The following MYO5C variants were observed in gnomAD, a reference collection of about 807,000 sequenced individuals.
MYO5C encodes the protein myosin VC, also known as unconventional myosin-Vc.
MYO5C carries 194 observed loss-of-function variants against 235.7 expected under a neutral mutation model. That is an observed-to-expected ratio of 0.82 (90% CI 0.73 to 0.93). The LOEUF (loss-of-function observed/expected upper bound fraction) is 0.93, where lower values mean the gene tolerates loss of function less well. Ranked by LOEUF, MYO5C falls within the 40% of genes least tolerant of loss-of-function variation. The probability of loss-of-function intolerance (pLI) is 0.00; values close to 1 mark genes in which losing one functional copy is unlikely to be tolerated. For missense variants in MYO5C, 2,038 were observed against 2,127.2 expected (o/e 0.96, Z 0.82); for synonymous variants, 707 against 754.8 (o/e 0.94, Z 1.04).
rs554700738 is a variant in MYO5C at position 52,239,963 on chromosome 15, C to A, written c.2557-84G>T. 8.6e-5 allele frequency: 120 copies of A among 1,394,370 alleles called. No homozygotes were observed. In the South Asian group the frequency reaches 1.1e-3, roughly 13 times the overall value. 86.4% of individuals were successfully genotyped at this position (1,394,370 alleles called of 1,614,324 possible). On this transcript the variant is annotated intron_variant, in intron 20 of 40. Transcript: ENST00000261839. ...CCTTCAACACTGGAAGATGCAACTA[C>A]CACGGTGTAGAAAATGAGTTTCTTC...
intron 26 of MYO5C, 33 bp from the exon 27 acceptor site, chr15:52,225,171 A>G (rs767150429): frequency 1.2e-6 from 2 of 1,608,966 alleles, no homozygotes; most frequent in Non-Finnish European, 1.7e-6. Flanking sequence ...TATATATTAC[A>G]TTTGTGGATG....
intron 1 of MYO5C, among the ~76,000 whole-genome samples, chr15:52,284,059 A>G (rs969151038): frequency 1.3e-5 from 2 of 152,194 alleles, no homozygotes; most frequent in Admixed American, 6.5e-5. Flanking sequence ...TTTTACAATC[A>G]GAACAATAAA....
chr15:52,272,261 A>T (rs1325134392), intron 6 of MYO5C, among the ~76,000 whole-genome samples: 12 of 152,238 alleles, frequency 7.9e-5, no homozygotes. Context: ...TAGGAAAGCC[A>T]GTCTGTCAGC....
Position 52,256,692 on chromosome 15 carries a change from C to A in MYO5C, c.1342G>T (p.Glu448Ter). The part of the protein sequence containing the change: ...GFETFDVNSF[E>*]QFCINYANEK... ...TTAGCGTAATTGATGCAAAATTGTT[C>A]AAAGCTGTTCACATCAAAGGTTTCA... The change falls in exon 11 of 41, where the codon GAA becomes TAA. Residue 448 changes from glutamate to a stop codon, truncating the protein, a stop_gained. Coordinates refer to ENST00000261839, the MANE Select transcript of MYO5C (RefSeq NM_018728.4). LOFTEE classifies it high-confidence loss of function. The A allele has an allele frequency of 6.2e-7, 1 of 1,611,104 alleles. No individual in the cohort carries two copies. Among genetic ancestry groups the A allele is most frequent in the South Asian group, 1.1e-5 (1 of 90,954 alleles).
intron 25 of MYO5C, among the ~76,000 whole-genome samples, chr15:52,225,980 G>A (rs1227850832): frequency 6.6e-6 from 1 of 151,906 alleles, no homozygotes; most frequent in African/African-American, 2.4e-5. Flanking sequence ...AACCCGGGAG[G>A]CAGAGGTTTT....
chr15:52,205,140 T>A lies in MYO5C; in HGVS notation c.4545A>T (p.Gly1515=). 6.2e-7 allele frequency: 1 copy of A among 1,613,574 alleles called. No homozygotes were observed. The highest frequency in any genetic ancestry group is 8.5e-7 in the Non-Finnish European group (1 of 1,179,644). The change falls in exon 38 of 41, where the codon GGA becomes GGT. Residue 1515 remains glycine (G), a synonymous_variant. Transcript: ENST00000261839. ...EKNIQPIIVP[G]MLEYESLQGI... ...CCTGCAGGCTCTCATACTCCAGCAT[T>A]CCCGGAACTGCGGAGAGACAGGGAG...
chr15:52,213,446 T>C (rs745532781), intron 33 of MYO5C, 160 bp from the exon 34 acceptor site: 10 of 576,338 alleles, frequency 1.7e-5, no homozygotes, highest in Non-Finnish European at 3.1e-5. Flanking sequence ...GAAGAATTTC[T>C]CCAAGTAGTG....
chr15:52,251,194 T>G (rs3751630), intron 13 of MYO5C, 196 bp downstream of exon 13: 16,372 of 392,962 alleles, frequency 0.042, 906 homozygotes, highest in African/African-American at 0.16. Flanking sequence ...AACAACACAT[T>G]CGTCTTTAAA....
chr15:52,228,193 G>A (rs1351445330), intron 25 of MYO5C, among the ~76,000 whole-genome samples: 3 of 151,988 alleles, frequency 2.0e-5, no homozygotes, highest in South Asian at 4.2e-4. Flanking sequence ...ACCCAGGCTG[G>A]AGTGCAGTGG....
chr15:52,248,607 C>CAG, intron 14 of MYO5C, 93 bp downstream of exon 14: 4 of 689,926 alleles, frequency 5.8e-6, no homozygotes, highest in East Asian at 3.1e-5. Flanking sequence ...CACACACACA[C>CAG]TCTCTCTCTC....
At position 52,264,216 on chromosome 15, in the gene MYO5C, C is replaced by T. The variant is rs1294689228; in HGVS notation, c.1021G>A (p.Val341Met). The part of the protein sequence containing the change: ...LHLGNVQITA[V>M]GNERSSVSED... The stretch of plus-strand genomic sequence containing the variant: ...CTAACTGAGGACCTCTCGTTGCCCA[C>T]CGCGGTGATCTGCACATTGCCCAGA... The change falls in exon 9 of 41, where the codon GTG (valine) becomes ATG (methionine). Residue 341 changes from valine (V) to methionine (M), a missense_variant. By Grantham distance (21) the Val-to-Met change is conservative. Transcript: ENST00000261839. 3.7e-6 allele frequency: 6 copies of T among 1,613,856 alleles called. No individual in the cohort carries two copies. The highest frequency in any genetic ancestry group is 5.1e-6 in the Non-Finnish European group (6 of 1,179,740).
intron 24 of MYO5C, among the ~76,000 whole-genome samples, chr15:52,232,235 A>AAGAAAGAAGGAG (rs2035974050): frequency 6.6e-5 from 1 of 15,084 alleles, no homozygotes; most frequent in East Asian, 5.5e-4. Context: ...AGAAAGAAGA[A>AAGAAAGAAGGAG]AGAAAGAAGG....
Position 52,205,864 on chromosome 15 carries a change from A to G in MYO5C, c.4489T>C (p.Tyr1497His), listed in dbSNP as rs367828186. The G allele has an allele frequency of 1.9e-5, 30 of 1,591,034 alleles. No homozygotes were observed. The highest frequency in any genetic ancestry group is 2.6e-5 in the Non-Finnish European group (30 of 1,164,544). ...TCCATTATGATAATAAATTGATGAT[A>G]TATTCGTATAGCCACATCACTGAGA... ...QILSDVAIRI[Y>H]HQFIIIMEKN... is the part of the protein sequence containing the mutation. The change falls in exon 37 of 41, where the codon TAT becomes CAT. Residue 1497 changes from tyrosine to histidine, a missense_variant. By Grantham distance (83) the Tyr-to-His change is moderately conservative. Transcript: ENST00000261839.
intron 24 of MYO5C, among the ~76,000 whole-genome samples, chr15:52,231,492 A>C (rs1164149787): frequency 6.6e-6 from 1 of 152,200 alleles, no homozygotes; most frequent in African/African-American, 2.4e-5. Flanking sequence ...TTCTCCTCAC[A>C]TTAAAAACTC....
intron 35 of MYO5C, among the ~76,000 whole-genome samples, chr15:52,210,791 TAATC>T (rs1186291413): frequency 2.0e-5 from 3 of 152,332 alleles, no homozygotes; most frequent in Admixed American, 2.0e-4. Context: ...CCAGGAAAAA[TAATC>T]AGTATGCTAA....
intron 40 of MYO5C, 69 bp from the exon 41 acceptor site, chr15:52,194,123 T>TCAAGG: frequency 6.6e-7 from 1 of 1,506,882 alleles, no homozygotes; most frequent in Non-Finnish European, 9.0e-7. Flanking sequence ...TACCTGAAAG[T>TCAAGG]CAAGGCAAAA....
intron 13 of MYO5C, among the ~76,000 whole-genome samples, chr15:52,249,273 G>C (rs1040602047): frequency 6.6e-6 from 1 of 152,126 alleles, no homozygotes; most frequent in Non-Finnish European, 1.5e-5. Flanking sequence ...TTTAGAGTGG[G>C]TCAACCTTTG....
Position 52,192,804 on chromosome 15 carries a change from G to A in MYO5C, c.*1098C>T, listed in dbSNP as rs1373916101. ...CTGATTAGAGAGCGAAAGTAATTTA[G>A]GTTGCTTTTTCAATCTGAGGTTGTT... On this transcript the variant is annotated 3_prime_UTR_variant, in exon 41 of 41. Transcript: ENST00000261839. 3 of 152,028 alleles carry A rather than the reference G, an allele frequency of 2.0e-5. No individual in the cohort carries two copies. The highest frequency in any genetic ancestry group is 7.3e-5 in the African/African-American group (3 of 41,376). The allele number at this position is 152,028 out of a possible 1,614,324, so 9.4% of individuals were successfully genotyped here.
chr15:52,262,510 C>T lies in MYO5C; in HGVS notation c.1048-1383G>A, dbSNP rs150834332. Among the ~76,000 whole-genome samples, 73 of 152,300 alleles carry T rather than the reference C, an allele frequency of 4.8e-4. 1 individual carries two copies. The East Asian group carries it at 0.013, about 27-fold the overall frequency. On this transcript the variant is annotated intron_variant, in intron 9 of 40. Transcript: ENST00000261839. ...CAAGGCAACAGAGGGGGATCTGCCA[C>T]TTCAGACACACCACACTCTCCCCCA...
Sources: gnomAD v4.1 joint callset for allele counts (sites outside exome capture counted in the v4.1 genomes callset) on GRCh38, gnomAD v4.1.1 for gene constraint, MANE v1.5 for transcripts, NCBI Gene and HGNC (gene_info 2026-07-23, HGNC 2026-07-21) for gene names.